FNDC3B: variants seen among roughly 807,000 people sequenced by gnomAD.
The protein encoded by FNDC3B is fibronectin type III domain containing 3B.
In FNDC3B, 12 loss-of-function variants were observed where a neutral mutation model predicts 151.5. That is an observed-to-expected ratio of 0.08 (90% CI 0.05 to 0.13). The LOEUF (loss-of-function observed/expected upper bound fraction) is 0.13. Among genes scored for constraint, FNDC3B ranks in the 10% least tolerant of loss-of-function variants. The pLI, the probability that FNDC3B is intolerant of heterozygous loss-of-function variation, is 1.00. For missense variants in FNDC3B, 1,214 were observed against 1,505.3 expected (o/e 0.81, Z 3.20); for synonymous variants, 528 against 549.0 (o/e 0.96, Z 0.54).
chr3:172,320,157 A>T (rs1278004567), intron 11 of FNDC3B, among the ~76,000 whole-genome samples: 1 of 152,178 alleles, frequency 6.6e-6, no homozygotes, highest in African/African-American at 2.4e-5. Context: ...AGGCAGGTGG[A>T]TCACCTGAGG....
rs145680877 is a variant in FNDC3B, at chr3:172,341,158, C to T, written c.1898C>T (p.Thr633Ile). ...TACAGTGGGTCGGCTACCGAATACACCTTCACCCACTTGAAACCAGGCACT... is the reference window on the plus strand; with the variant it reads ...TACAGTGGGTCGGCTACCGAATACATCTTCACCCACTTGAAACCAGGCACT... ...VAYSGSATEYTFTHLKPGTLY... is the reference protein window; with the variant it reads ...VAYSGSATEYIFTHLKPGTLY... Residue 633 changes from threonine to isoleucine, a missense_variant, in exon 17 of 26, where the codon ACC becomes ATC. Physicochemically the swap from Thr to Ile is moderately conservative, Grantham distance 89 (BLOSUM62 -1). Transcript: ENST00000415807. The T allele has an allele frequency of 1.3e-4, 203 of 1,614,036 alleles. No individual in the cohort carries two copies. The highest frequency in any genetic ancestry group is 1.6e-4 in the Non-Finnish European group (190 of 1,180,018).
chr3:172,190,829 C>T lies in FNDC3B; in HGVS notation c.188-36042C>T, dbSNP rs145142801. 5.8e-3 allele frequency among the ~76,000 whole-genome samples: 879 copies of T among 152,180 alleles called. 3 individuals carry two copies. The highest frequency in any genetic ancestry group is 0.019 in the African/African-American group (787 of 41,520). Reference sequence around the variant, plus strand: ...GATTACAGGCATGTACCACCATGCCCGGCTAATTTTTTTATTGTTAGTAGA... The same window carrying T: ...GATTACAGGCATGTACCACCATGCCTGGCTAATTTTTTTATTGTTAGTAGA... On this transcript the variant is annotated intron_variant, in intron 3 of 25. Transcript: ENST00000415807.
intron 1 of FNDC3B, among the ~76,000 whole-genome samples, chr3:172,080,202 G>A (rs1309140504): frequency 1.3e-5 from 2 of 152,150 alleles, no homozygotes; most frequent in African/African-American, 4.8e-5. Context: ...GAAACTGAGT[G>A]TGGTCCTGCT....
chr3:172,120,114 A>G (rs1720461144), intron 2 of FNDC3B, among the ~76,000 whole-genome samples: 1 of 152,224 alleles, frequency 6.6e-6, no homozygotes, highest in Non-Finnish European at 1.5e-5. Context: ...TGGCACCCCC[A>G]ATAATTAGAA....
At chr3:172,274,503 T>A (rs890734148) in intron 6 of FNDC3B, among the ~76,000 whole-genome samples, 2 of 134,126 alleles carry the variant, frequency 1.5e-5, no homozygotes, top group African/African-American at 5.0e-5. Flanking sequence ...TCCTGTGCGA[T>A]CTTGACCAGA....
chr3:172,134,334 T>C (rs1721255695), intron 3 of FNDC3B: 1 of 516,828 alleles, frequency 1.9e-6, no homozygotes, highest in Non-Finnish European at 3.9e-6. Flanking sequence ...TCAACCTAGA[T>C]CTGATGTTAG....
chr3:172,208,792 G>A (rs887179803), intron 3 of FNDC3B, among the ~76,000 whole-genome samples: 1 of 152,038 alleles, frequency 6.6e-6, no homozygotes, highest in African/African-American at 2.4e-5. Flanking sequence ...ACGGAGCGGC[G>A]AGGGGTGTCT....
At chr3:172,281,215 A>ACT (rs1729699695) in intron 6 of FNDC3B, among the ~76,000 whole-genome samples, 2 of 132,466 alleles carry the variant, frequency 1.5e-5, no homozygotes, top group African/African-American at 2.8e-5. Flanking sequence ...ATTATTATTT[A>ACT]TATTTATTTA....
At chr3:172,307,087 T>C (rs1731237002) in intron 9 of FNDC3B, 1 of 311,730 alleles carries the variant, frequency 3.2e-6, no homozygotes, top group African/African-American at 2.1e-5. Context: ...TAAGGTTTAT[T>C]TTCTTACTTA....
chr3:172,329,828 A>G (rs1199463564), intron 12 of FNDC3B: 1 of 152,238 alleles, frequency 6.6e-6, no homozygotes, highest in African/African-American at 2.4e-5. Context: ...TTCAGAGTTC[A>G]CTGGTTGAAA....
intron 11 of FNDC3B, among the ~76,000 whole-genome samples, chr3:172,316,241 TCAC>T (rs1731784499): frequency 6.6e-6 from 1 of 152,054 alleles, no homozygotes; most frequent in Non-Finnish European, 1.5e-5. Context: ...CCTCAGGTGA[TCAC>T]CCAGCTCAGT....
chr3:172,111,926 C>T (rs538617360), intron 1 of FNDC3B, among the ~76,000 whole-genome samples: 5 of 152,120 alleles, frequency 3.3e-5, no homozygotes, highest in East Asian at 1.9e-4. Flanking sequence ...TATATTTGTT[C>T]GTTTATACTT....
At chr3:172,061,433 C>T (rs1002991968) in intron 1 of FNDC3B, among the ~76,000 whole-genome samples, 5 of 151,942 alleles carry the variant, frequency 3.3e-5, no homozygotes, top group African/African-American at 9.7e-5. Context: ...AGGGTTTCAC[C>T]GTGTTAGCCA....
chr3:172,176,231 A>G (rs530375068), intron 3 of FNDC3B, among the ~76,000 whole-genome samples: 3 of 152,324 alleles, frequency 2.0e-5, no homozygotes, highest in Middle Eastern at 3.4e-3. Context: ...TAGTAGTTCC[A>G]CTAAAGCTTT....
intron 6 of FNDC3B, among the ~76,000 whole-genome samples, chr3:172,267,141 G>A (rs1728961375): frequency 6.6e-6 from 1 of 150,782 alleles, no homozygotes; most frequent in African/African-American, 2.4e-5. Flanking sequence ...AGTTTACGTA[G>A]GGAAATCTAC....
At position 172,244,666 on chromosome 3, in the gene FNDC3B, C is replaced by A. The variant is rs572552901; in HGVS notation, c.265-2867C>A. Among the ~76,000 whole-genome samples the A allele has an allele frequency of 1.8e-3, 239 of 135,970 alleles. 6 individuals carry two copies. The South Asian group carries it at 0.058, about 33-fold the overall frequency. The allele number at this position is 135,970 out of a possible 152,430, so 89.2% of individuals were successfully genotyped here. On this transcript the variant is annotated intron_variant, in intron 4 of 25. Transcript: ENST00000415807. ...TTGAGTCGGCGTCTCCGTCTGTCAC[C>A]CAGGCTGGAGTGCAGTGGTGCGATC...
Position 172,200,903 on chromosome 3 carries a change from A to G in FNDC3B, c.188-25968A>G, listed in dbSNP as rs147028450. 9.2e-5 allele frequency among the ~76,000 whole-genome samples: 14 copies of G among 152,312 alleles called. No homozygotes were observed. In the East Asian group the frequency reaches 2.5e-3, roughly 27 times the overall value. On this transcript the variant is annotated intron_variant, in intron 3 of 25. Transcript: ENST00000415807. ...AAAGAGAATTTGAAGCGTTTTCTCAAAAGGGTACCCAGCACCCGAGTACCT... is the reference window on the plus strand; with the variant it reads ...AAAGAGAATTTGAAGCGTTTTCTCAGAAGGGTACCCAGCACCCGAGTACCT...
At chr3:172,350,427 G>T (rs1194681603) in intron 21 of FNDC3B, among the ~76,000 whole-genome samples, 1 of 152,132 alleles carries the variant, frequency 6.6e-6, no homozygotes, top group African/African-American at 2.4e-5. Context: ...GAAACATTGG[G>T]CTCCATGATA....
chr3:172,098,803 G>A (rs1719223206), intron 1 of FNDC3B, among the ~76,000 whole-genome samples: 2 of 152,208 alleles, frequency 1.3e-5, no homozygotes, highest in African/African-American at 2.4e-5. Context: ...GTTAGGGCCT[G>A]TGAACATGGC....
Sources: allele counts gnomAD v4.1 joint callset (sites outside exome capture counted in the v4.1 genomes callset), GRCh38; gene constraint gnomAD v4.1.1; transcripts MANE v1.5; gene names NCBI Gene and HGNC (gene_info 2026-07-23, HGNC 2026-07-21).